CFAP58: variants seen among roughly 807,000 people sequenced by gnomAD.
CFAP58 encodes the protein cilia and flagella associated protein 58.
Under a neutral mutation model 119.5 loss-of-function variants are expected in CFAP58, and 88 were observed. The ratio of observed to expected loss-of-function variants is 0.74; its 90% CI spans 0.62 to 0.88. The LOEUF (loss-of-function observed/expected upper bound fraction) is 0.88. Among genes scored for constraint, CFAP58 ranks in the 40% least tolerant of loss-of-function variants. The pLI is 0.00. For missense variants in CFAP58, 990 were observed against 1,021.2 expected (o/e 0.97, Z 0.42); for synonymous variants, 365 against 366.3 (o/e 1.00, Z 0.04).
intron 3 of CFAP58, among the ~76,000 whole-genome samples, chr10:104,363,345 G>A (rs1486394863): frequency 6.6e-6 from 1 of 152,160 alleles, no homozygotes; most frequent in East Asian, 1.9e-4. Context: ...CACTTCCTTG[G>A]GCAGCCAAGG....
intron 15 of CFAP58, among the ~76,000 whole-genome samples, chr10:104,415,298 G>T (rs1402291021): frequency 1.3e-5 from 2 of 152,122 alleles, no homozygotes; most frequent in Admixed American, 1.3e-4. Context: ...AAGCCAGTGG[G>T]TGGAGGGGGA....
At chr10:104,388,208 G>A (rs1400176359) in intron 9 of CFAP58, among the ~76,000 whole-genome samples, 1 of 152,144 alleles carries the variant, frequency 6.6e-6, no homozygotes, top group Admixed American at 6.5e-5. Flanking sequence ...CTGCAGAACA[G>A]GATTTGATTC....
At chr10:104,434,872 G>A (rs575292500) in intron 15 of CFAP58, among the ~76,000 whole-genome samples, 4 of 152,314 alleles carry the variant, frequency 2.6e-5, no homozygotes, top group Non-Finnish European at 5.9e-5. Context: ...CTAGGAAGGA[G>A]CATGGTCTTT....
intron 15 of CFAP58, among the ~76,000 whole-genome samples, chr10:104,421,879 TATTTTACTTTAGACTTAA>T (rs1378190273): frequency 2.0e-5 from 3 of 152,216 alleles, no homozygotes; most frequent in Non-Finnish European, 2.9e-5. Flanking sequence ...GTTACCATGG[TATTTTACTTTAGACTTAA>T]ATTTTAGGCC....
rs573671103 is a variant in CFAP58, at chr10:104,357,743, T to A, written c.10-598T>A. Among the ~76,000 whole-genome samples, 11 of 151,980 alleles carry A rather than the reference T, an allele frequency of 7.2e-5. No individual in the cohort carries two copies. In the East Asian group the frequency reaches 1.9e-3, roughly 27 times the overall value. The stretch of plus-strand genomic sequence containing the variant: ...TCCCAATGCATATATATATATGTAA[T>A]GTGTATAAATGTATAATGTGTATGT... On this transcript the variant is annotated intron_variant, in intron 1 of 17. Transcript: ENST00000369704.
intron 15 of CFAP58, among the ~76,000 whole-genome samples, chr10:104,434,944 C>T (rs1025255484): frequency 1.1e-4 from 17 of 152,290 alleles, no homozygotes; most frequent in African/African-American, 4.1e-4. Context: ...CTTGTTTCCT[C>T]ATCTGTAAAA....
intron 1 of CFAP58, among the ~76,000 whole-genome samples, chr10:104,357,936 CATAT>C: frequency 9.0e-6 from 1 of 111,426 alleles, no homozygotes; most frequent in Admixed American, 7.9e-5. Context: ...CATATACACA[CATAT>C]ATGTACACAT....
chr10:104,454,179 T>C (rs80223324), intron 17 of CFAP58, among the ~76,000 whole-genome samples: 2,544 of 152,348 alleles, frequency 0.017, 70 homozygotes, highest in African/African-American at 0.058. Context: ...GCTTGAGTTA[T>C]AATGAGGTCT....
At chr10:104,442,536 C>T (rs1198418186) in intron 15 of CFAP58, among the ~76,000 whole-genome samples, 1 of 148,122 alleles carries the variant, frequency 6.8e-6, no homozygotes, top group Non-Finnish European at 1.5e-5. Flanking sequence ...TGCAGTGAGC[C>T]GAGATGGTGC....
At chr10:104,411,026 G>A (rs1377260005) in intron 15 of CFAP58, among the ~76,000 whole-genome samples, 2 of 151,940 alleles carry the variant, frequency 1.3e-5, no homozygotes, top group Admixed American at 1.3e-4. Flanking sequence ...TGCAACCTCC[G>A]CTTCCCAGGT....
intron 15 of CFAP58, among the ~76,000 whole-genome samples, chr10:104,438,361 G>GTTTTTTTTTTTTGTT (rs1462880617): frequency 1.7e-5 from 1 of 59,330 alleles, no homozygotes; most frequent in Non-Finnish European, 3.6e-5. Flanking sequence ...TTTTTTTTTT[G>GTTTTTTTTTTTTGTT]TTTTTTTTTT....
rs1409324043 is a variant in CFAP58 at position 104,357,899 on chromosome 10, GTACACATA to G, written c.10-435_10-428del. 4.9e-4 allele frequency among the ~76,000 whole-genome samples: 52 copies of G among 107,018 alleles called. 2 individuals carry two copies. In the East Asian group the frequency reaches 5.3e-3, roughly 11 times the overall value. 70.2% of individuals were successfully genotyped at this position (107,018 alleles called of 152,430 possible). ...TATGTACACATATATAAACATATATGTACACATATACACACATATATGTACACATATAC... is the reference window on the plus strand; with the variant it reads ...TATGTACACATATATAAACATATATGTACACACATATATGTACACATATAC... On this transcript the variant is annotated intron_variant, in intron 1 of 17. Coordinates refer to ENST00000369704, the MANE Select transcript of CFAP58 (RefSeq NM_001008723.2).
At chr10:104,344,130 A>G in the CFAP58 span, among the ~76,000 whole-genome samples, 1 of 152,236 alleles carries the variant, frequency 6.6e-6, no homozygotes, top group Non-Finnish European at 1.5e-5. Flanking sequence ...TTCCATCTAC[A>G]TATGCCACTT....
chr10:104,438,913 T>C (rs1403628895), intron 15 of CFAP58, among the ~76,000 whole-genome samples: 2 of 152,200 alleles, frequency 1.3e-5, no homozygotes, highest in Non-Finnish European at 1.5e-5. Flanking sequence ...CCCAGTGGAA[T>C]ATCAAATCAA....
the CFAP58 span, among the ~76,000 whole-genome samples, chr10:104,345,015 G>A: frequency 6.6e-6 from 1 of 151,952 alleles, no homozygotes; most frequent in African/African-American, 2.4e-5. Flanking sequence ...GGGCATGGTG[G>A]CACATGCCTA....
At chr10:104,426,614 C>T (rs2012754481) in intron 15 of CFAP58, among the ~76,000 whole-genome samples, 2 of 152,130 alleles carry the variant, frequency 1.3e-5, no homozygotes, top group Non-Finnish European at 2.9e-5. Flanking sequence ...TTTTTTAAAT[C>T]ACAGGAAAAC....
chr10:104,382,042 G>A (rs912341133), intron 9 of CFAP58: 69 of 711,772 alleles, frequency 9.7e-5, no homozygotes, highest in Admixed American at 3.4e-4. Flanking sequence ...TTAGTGGTTC[G>A]CAGCAATAAA....
chr10:104,384,789 G>A (rs962833926), intron 9 of CFAP58, among the ~76,000 whole-genome samples: 3 of 152,208 alleles, frequency 2.0e-5, no homozygotes, highest in South Asian at 4.1e-4. Context: ...TGGTTTGAAA[G>A]GTGAGGCTCC....
intron 2 of CFAP58, among the ~76,000 whole-genome samples, chr10:104,358,967 T>C (rs1392131777): frequency 6.6e-6 from 1 of 152,240 alleles, no homozygotes; most frequent in Non-Finnish European, 1.5e-5. Context: ...GTTTAACTGT[T>C]AAAGATATTT....
Sources: gnomAD v4.1 joint callset for allele counts (sites outside exome capture counted in the v4.1 genomes callset) on GRCh38, gnomAD v4.1.1 for gene constraint, MANE v1.5 for transcripts, NCBI Gene and HGNC (gene_info 2026-07-23, HGNC 2026-07-21) for gene names.